Variants in MGST1 observed in about 807,000 individuals in gnomAD.
MGST1 encodes microsomal glutathione S-transferase 1.
In MGST1, 5 loss-of-function variants were observed where a neutral mutation model predicts 8.9. The ratio of observed to expected loss-of-function variants is 0.56; its 90% CI spans 0.29 to 1.19. The LOEUF is 1.19. Ranked by LOEUF, MGST1 falls within the 50% of genes most tolerant of loss-of-function variation. The pLI, the probability that MGST1 is intolerant of heterozygous loss-of-function variation, is 0.08. For missense variants in MGST1, 182 were observed against 187.4 expected (o/e 0.97, Z 0.17); for synonymous variants, 54 against 67.8 (o/e 0.80, Z 1.00).
chr12:16,432,029 T>C (rs1267192995), intron 1 of MGST1, among the ~76,000 whole-genome samples: 1 of 152,192 alleles, frequency 6.6e-6, no homozygotes, highest in Non-Finnish European at 1.5e-5. Context: ...ATTTGACTGG[T>C]CCTTTTCAAT....
chr12:16,415,424 G>A (rs7312904), intron 1 of MGST1, among the ~76,000 whole-genome samples: 47,647 of 151,984 alleles, frequency 0.31, 7,482 homozygotes, highest in East Asian at 0.4. Flanking sequence ...GTCCACTTAT[G>A]CATGAATTTT....
intron 1 of MGST1, among the ~76,000 whole-genome samples, chr12:16,384,829 G>A (rs1444281770): frequency 1.3e-5 from 2 of 152,216 alleles, no homozygotes; most frequent in East Asian, 1.9e-4. Context: ...ACTTTTGTAC[G>A]CAGCTTCCTG....
intron 4 of MGST1, among the ~76,000 whole-genome samples, chr12:16,533,155 T>C (rs1379065424): frequency 1.3e-5 from 2 of 152,192 alleles, no homozygotes; most frequent in Non-Finnish European, 2.9e-5. Flanking sequence ...TTTTGTTTTG[T>C]TTTAATGAAG....
chr12:16,392,289 T>G lies in MGST1; in HGVS notation n.778+8685T>G, dbSNP rs192820064. On this transcript the variant is annotated intron_variant and non_coding_transcript_variant, in intron 1 of 1. Coordinates refer to the MGST1 transcript ENST00000359720. ...GATTGCCTCTTCACATGACGATGAT[T>G]GTGTAATTTGATTTCCTATAGTAAG... 2.9e-3 allele frequency among the ~76,000 whole-genome samples: 448 copies of G among 152,344 alleles called. 5 individuals are homozygous for G. Among genetic ancestry groups the G allele is most frequent in the African/African-American group, 0.011 (437 of 41,588 alleles).
chr12:16,487,163 A>G (rs916675934), intron 4 of MGST1, among the ~76,000 whole-genome samples: 7 of 152,212 alleles, frequency 4.6e-5, no homozygotes, highest in African/African-American at 1.7e-4. Context: ...CTCTCAAAAA[A>G]AGCTTTTCCA....
chr12:16,532,388 T>TA lies in MGST1; in HGVS notation n.483-57133dup, dbSNP rs1468487232. Among the ~76,000 whole-genome samples, 3 of 152,106 alleles carry TA rather than the reference T, an allele frequency of 2.0e-5. No individual in the cohort carries two copies. In the East Asian group the frequency reaches 5.8e-4, roughly 29 times the overall value. On this transcript the variant is annotated intron_variant and non_coding_transcript_variant, in intron 4 of 4. Transcript: ENST00000538857. ...TTGAACTAAAATGGTTGCTGGGAGT[T>TA]AAAAAAATTAACATTCTCACCACAA...
chr12:16,566,247 G>GAGC (rs1367608835), intron 4 of MGST1, among the ~76,000 whole-genome samples: 1 of 151,384 alleles, frequency 6.6e-6, no homozygotes, highest in African/African-American at 2.4e-5. Context: ...CTGGGAAAGG[G>GAGC]AGCAGAGAGG....
downstream of MGST1, among the ~76,000 whole-genome samples, chr12:16,380,838 G>A (rs906792016): frequency 2.6e-5 from 4 of 152,164 alleles, no homozygotes; most frequent in Non-Finnish European, 2.9e-5. Context: ...TGTATTGGGT[G>A]CATATATATT....
At position 16,401,691 on chromosome 12, in the gene MGST1, G is replaced by A. The variant is rs1940656521; in HGVS notation, n.778+18087G>A. ...GTTGCCACCACTCTGAATGATAGGA[G>A]GGTAACACATTTCCACAGTAGAAGG... On this transcript the variant is annotated intron_variant and non_coding_transcript_variant, in intron 1 of 1. Coordinates refer to the MGST1 transcript ENST00000359720. This position sits in a 1 kb window ranked among gnomAD's most constrained non-coding sequence, Gnocchi z 4.3. 5.0e-6 allele frequency: 8 copies of A among 1,603,360 alleles called. No individual in the cohort carries two copies. In the Admixed American group the frequency reaches 1.3e-4, roughly 27 times the overall value.
chr12:16,404,048 A>T (rs1256207405), intron 1 of MGST1, among the ~76,000 whole-genome samples: 1 of 152,126 alleles, frequency 6.6e-6, no homozygotes, highest in African/African-American at 2.4e-5. Flanking sequence ...GAAGTCTAGT[A>T]CTCTGATTGT....
intron 4 of MGST1, among the ~76,000 whole-genome samples, chr12:16,475,017 A>G (rs1478281422): frequency 6.6e-6 from 1 of 152,148 alleles, no homozygotes; most frequent in Non-Finnish European, 1.5e-5. Context: ...CATCTCAGGG[A>G]GAGTCTAAAT....
At chr12:16,512,984 A>T (rs948651177) in intron 4 of MGST1, among the ~76,000 whole-genome samples, 2 of 152,178 alleles carry the variant, frequency 1.3e-5, no homozygotes, top group Non-Finnish European at 2.9e-5. Flanking sequence ...TATATCCCCA[A>T]CCGTCTCTAG....
chr12:16,402,134 A>G (rs1302249762), intron 1 of MGST1: 2 of 1,519,068 alleles, frequency 1.3e-6, no homozygotes, highest in Admixed American at 1.7e-5. Flanking sequence ...CTCCATTAGC[A>G]TTCTCATTGC....
rs780974311 is a variant in MGST1, at chr12:16,354,259, G to A, written c.7G>A (p.Asp3Asn). The part of the protein sequence containing the change: MV[D>N]LTQVMDDEVF... ...CCAGACCAAAATTGAAAAAATGGTT[G>A]ACCTCACCCAGGTAATGGATGATGA... Residue 3 changes from aspartate to asparagine, a missense_variant, in exon 2 of 4, where the codon GAC (aspartate) becomes AAC (asparagine). Coordinates refer to ENST00000396210, the MANE Select transcript of MGST1 (RefSeq NM_020300.5). The A allele has an allele frequency of 2.5e-6, 4 of 1,577,030 alleles. No homozygotes were observed. The highest frequency in any genetic ancestry group is 8.6e-7 in the Non-Finnish European group (1 of 1,167,152).
At chr12:16,533,742 T>A (rs1166884541) in intron 4 of MGST1, among the ~76,000 whole-genome samples, 2 of 150,728 alleles carry the variant, frequency 1.3e-5, no homozygotes, top group Non-Finnish European at 3.0e-5. Flanking sequence ...AAAAAAAGTT[T>A]GTGATCAATT....
intron 1 of MGST1, among the ~76,000 whole-genome samples, chr12:16,392,565 T>C (rs1940562048): frequency 6.6e-6 from 1 of 152,170 alleles, no homozygotes; most frequent in African/African-American, 2.4e-5. Flanking sequence ...CCTGACACAA[T>C]AATATATGTT....
Position 16,544,343 on chromosome 12 carries a change from G to C in MGST1, n.483-45185G>C, listed in dbSNP as rs967792908. 6.6e-6 allele frequency among the ~76,000 whole-genome samples: 1 copy of C among 151,428 alleles called. No individual in the cohort carries two copies. The highest frequency in any genetic ancestry group is 2.4e-5 in the African/African-American group (1 of 41,214). ...ATGGGTCCACAATTGTACTCAAAAG[G>C]GGAAGAGTTAATGTTAATGCATACA... is the stretch of plus-strand genomic sequence containing the variant. On this transcript the variant is annotated intron_variant and non_coding_transcript_variant, in intron 4 of 4. Coordinates refer to the MGST1 transcript ENST00000538857. This position sits in a 1 kb window ranked among gnomAD's most constrained non-coding sequence, Gnocchi z 4.8.
intron 4 of MGST1, among the ~76,000 whole-genome samples, chr12:16,573,006 C>G (rs1942867708): frequency 6.6e-6 from 1 of 151,402 alleles, no homozygotes; most frequent in African/African-American, 2.4e-5. Flanking sequence ...TAAAGGAGTG[C>G]AATTCTTAAA....
At chr12:16,478,505 G>A (rs1047949236) in intron 4 of MGST1, among the ~76,000 whole-genome samples, 7 of 152,004 alleles carry the variant, frequency 4.6e-5, no homozygotes, top group African/African-American at 1.2e-4. Flanking sequence ...CCAAACCTAT[G>A]TGATTCTTTC....
Sources: gnomAD v4.1 joint callset for allele counts (sites outside exome capture counted in the v4.1 genomes callset) on GRCh38, gnomAD v4.1.1 for gene constraint, Gnocchi (gnomAD v3.1) non-coding constraint, MANE v1.5 for transcripts, NCBI Gene and HGNC (gene_info 2026-07-23, HGNC 2026-07-21) for gene names.